Variants in ARHGEF11 observed in about 807,000 individuals in gnomAD.
ARHGEF11 encodes Rho guanine exchange factor (GEF) 11.
Under a neutral mutation model 193.7 loss-of-function variants are expected in ARHGEF11, and 55 were observed. The ratio of observed to expected loss-of-function variants is 0.28; its 90% CI spans 0.23 to 0.36. The LOEUF is 0.36. Among genes scored for constraint, ARHGEF11 ranks in the 10% least tolerant of loss-of-function variants. The pLI is 1.00. For synonymous variants in ARHGEF11, 693 were observed against 768.0 expected (o/e 0.90, Z 1.62); for missense variants, 1,723 against 2,005.6 (o/e 0.86, Z 2.69).
At chr1:156,958,198 T>C (rs1011371857) in intron 17 of ARHGEF11, among the ~76,000 whole-genome samples, 8 of 152,220 alleles carry the variant, frequency 5.3e-5, no homozygotes, top group African/African-American at 1.9e-4. Context: ...AAGTCTGTGA[T>C]ACTGGGGCTT....
In ARHGEF11 at chr1:156,969,269, TGCTGGGACTC is replaced by T; in HGVS notation, c.825+3_825+12del. The T allele has an allele frequency of 6.3e-7, 1 of 1,584,920 alleles. No individual in the cohort carries two copies. The highest frequency in any genetic ancestry group is 8.6e-7 in the Non-Finnish European group (1 of 1,164,396). On this transcript the variant is annotated splice_donor_5th_base_variant and intron_variant, in intron 10 of 40. Transcript: ENST00000368194. ...TGCACGTTCTGAATGGGCCTTGCCC[TGCTGGGACTC>T]ACCTCACTGAGGGAAGGAAAGCGTT...
rs1172615499 is a variant in ARHGEF11, at chr1:156,945,144, T to C, written c.2866A>G (p.Ile956Val). ...LCRARDQCRE[I>V]LKYVNEAVKQ... The stretch of plus-strand genomic sequence containing the variant: ...ACCGCTTCATTCACATACTTGAGAA[T>C]CTCCCGGCACTGGTCCCGGGCCCGG... Residue 956 changes from isoleucine to valine, a missense_variant, in exon 30 of 41, where the codon ATT (isoleucine) becomes GTT (valine). Physicochemically the swap from Ile to Val is conservative, Grantham distance 29. Coordinates refer to ENST00000368194, the MANE Select transcript of ARHGEF11 (RefSeq NM_198236.3). The C allele has an allele frequency of 3.1e-6, 5 of 1,614,092 alleles. No homozygotes were observed. The highest frequency in any genetic ancestry group is 4.2e-6 in the Non-Finnish European group (5 of 1,180,004).
rs904623928 is a variant in ARHGEF11, at chr1:156,992,105, T to C, written c.33-5932A>G. On this transcript the variant is annotated intron_variant, in intron 1 of 40. Transcript: ENST00000368194. ...AAAAGTATATTCAGAAGTGTACCTA[T>C]TCTTTCTCCCCATTCCCCAAGTAAT... Among the ~76,000 whole-genome samples the C allele has an allele frequency of 5.3e-5, 8 of 152,236 alleles. No individual in the cohort carries two copies. In the East Asian group the frequency reaches 1.3e-3, roughly 26 times the overall value.
chr1:156,941,782 G>C (rs1052587004), intron 34 of ARHGEF11, 82 bp downstream of exon 34: 6 of 1,514,594 alleles, frequency 4.0e-6, no homozygotes, highest in Non-Finnish European at 5.3e-6. Flanking sequence ...GTCTACCCAC[G>C]GGGGCGAAGG....
Position 156,959,011 on chromosome 1 carries a change from G to C in ARHGEF11, c.1379+35C>G. 3 of 1,611,772 alleles carry C rather than the reference G, an allele frequency of 1.9e-6. No individual in the cohort carries two copies. In the South Asian group the frequency reaches 3.3e-5, roughly 18 times the overall value. Reference sequence around the variant, plus strand: ...CCAGGGCCAAGAGGCGGAGGTGAACGAGGAGAGAGGTGGGAGGTCAGCTCC... The same window carrying C: ...CCAGGGCCAAGAGGCGGAGGTGAACCAGGAGAGAGGTGGGAGGTCAGCTCC... On this transcript the variant is annotated intron_variant, in intron 16 of 40. Transcript: ENST00000368194.
rs955776980 is a variant in ARHGEF11, at chr1:156,968,094, C to T, written c.856G>A (p.Asp286Asn). 1.9e-6 allele frequency: 3 copies of T among 1,613,312 alleles called. No homozygotes were observed. Among genetic ancestry groups the T allele is most frequent in the Non-Finnish European group, 2.5e-6 (3 of 1,179,396 alleles). ...GTTCGAGGACTGTCTAGCCCAGGGT[C>T]TGACAGTACCGAGTTCCGATTCATC... ...SLMNRNSVLSDPGLDSPRTSP... is the reference protein window; with the variant it reads ...SLMNRNSVLSNPGLDSPRTSP... Residue 286 changes from aspartate to asparagine, a missense_variant, in exon 11 of 41, where the codon GAC becomes AAC. By Grantham distance (23) the Asp-to-Asn change is conservative. Transcript: ENST00000368194.
At chr1:156,999,215 G>T (rs572083632) in intron 1 of ARHGEF11, among the ~76,000 whole-genome samples, 1 of 152,172 alleles carries the variant, frequency 6.6e-6, no homozygotes, top group Non-Finnish European at 1.5e-5. Context: ...TGACAACCTG[G>T]TGAGATAACA....
rs529052918 is a variant in ARHGEF11, at chr1:156,988,829, G to T, written c.33-2656C>A. Among the ~76,000 whole-genome samples, 4 of 152,238 alleles carry T rather than the reference G, an allele frequency of 2.6e-5. No homozygotes were observed. In the East Asian group the frequency reaches 7.7e-4, roughly 29 times the overall value. ...AATTTTTTTTTCTGAGAGCTTAAAG[G>T]AGAGAAAACTACCATTGAACTGAAG... On this transcript the variant is annotated intron_variant, in intron 1 of 40. Coordinates refer to ENST00000368194, the MANE Select transcript of ARHGEF11 (RefSeq NM_198236.3).
rs1302842740 is a variant in ARHGEF11, at chr1:156,935,318, G to C, written c.*682C>G. On this transcript the variant is annotated 3_prime_UTR_variant, in exon 41 of 41. Transcript: ENST00000368194. ...GCAGGCTCTGGAGCCAGGTGGGATG[G>C]GGAGCCAGAAGACCTTCCCACTCAC... 6.6e-6 allele frequency: 1 copy of C among 152,156 alleles called. No individual in the cohort carries two copies. Among genetic ancestry groups the C allele is most frequent in the Non-Finnish European group, 1.5e-5 (1 of 68,024 alleles). The allele number at this position is 152,156 out of a possible 1,614,324, so 9.4% of individuals were successfully genotyped here.
intron 4 of ARHGEF11, among the ~76,000 whole-genome samples, 193 bp downstream of exon 4, chr1:156,980,244 G>T (rs1431551580): frequency 1.3e-5 from 2 of 152,178 alleles, no homozygotes; most frequent in Non-Finnish European, 2.9e-5. Flanking sequence ...CTAAAATGTA[G>T]AACACAGCTA....
At chr1:157,029,444 G>C (rs1246860813) in intron 1 of ARHGEF11, among the ~76,000 whole-genome samples, 1 of 152,062 alleles carries the variant, frequency 6.6e-6, no homozygotes, top group Non-Finnish European at 1.5e-5. Flanking sequence ...GCTAATTTTT[G>C]TATTTTTAGT....
intron 1 of ARHGEF11, among the ~76,000 whole-genome samples, chr1:157,015,308 G>C (rs1057152211): frequency 3.3e-5 from 5 of 152,296 alleles, no homozygotes; most frequent in Admixed American, 6.5e-5. Flanking sequence ...TTTGGGTAAG[G>C]TGCTTAATGC....
In ARHGEF11 at chr1:156,947,341, C is replaced by A; in HGVS notation, c.2451G>T (p.Arg817=). The part of the protein sequence containing the change: ...ENLMPREELA[R]LFPNLPELIE... Reference sequence around the variant, plus strand: ...TGAGTTCAGGCAGGTTCGGGAAGAGCCGGGCCAGCTCCTCCCGGGGCATCA... The same window carrying A: ...TGAGTTCAGGCAGGTTCGGGAAGAGACGGGCCAGCTCCTCCCGGGGCATCA... The change falls in exon 26 of 41, where the codon CGG becomes CGT. Residue 817 remains arginine, a synonymous_variant. Transcript: ENST00000368194. 5.6e-6 allele frequency: 9 copies of A among 1,613,524 alleles called. No individual in the cohort carries two copies. The highest frequency in any genetic ancestry group is 7.6e-6 in the Non-Finnish European group (9 of 1,179,808).
Position 156,968,005 on chromosome 1 carries a change from G to T in ARHGEF11, c.945C>A (p.Val315=). 6.2e-7 allele frequency: 1 copy of T among 1,614,234 alleles called. No homozygotes were observed. The highest frequency in any genetic ancestry group is 2.2e-5 in the East Asian group (1 of 44,886). The change falls in exon 11 of 41, where the codon GTC becomes GTA. Residue 315 remains valine, a synonymous_variant. Transcript: ENST00000368194. ...HHRRQGSDAA[V]PSTGDQGVDQ... is the part of the protein sequence containing the mutation. ...CACTCACCTGGTCACCGGTTGAGGG[G>T]ACTGCTGCATCCGAGCCCTGCCGCC...
At chr1:157,042,596 C>A (rs1672897394) in intron 1 of ARHGEF11, among the ~76,000 whole-genome samples, 1 of 152,134 alleles carries the variant, frequency 6.6e-6, no homozygotes, top group South Asian at 2.1e-4. Flanking sequence ...TCACACAGAA[C>A]CACTGTGAGA....
At chr1:157,037,947 G>T (rs527548117) in intron 1 of ARHGEF11, among the ~76,000 whole-genome samples, 1 of 141,834 alleles carries the variant, frequency 7.1e-6, no homozygotes, top group Non-Finnish European at 1.5e-5. Flanking sequence ...GCAGAGAATC[G>T]CTTGAACCCA....
chr1:157,015,951 T>C (rs989555204), intron 1 of ARHGEF11, among the ~76,000 whole-genome samples: 1 of 152,166 alleles, frequency 6.6e-6, no homozygotes, highest in African/African-American at 2.4e-5. Context: ...TTTCACAATA[T>C]GGGGATTGGA....
chr1:156,957,467 G>A (rs1347673957), intron 18 of ARHGEF11, among the ~76,000 whole-genome samples: 1 of 152,216 alleles, frequency 6.6e-6, no homozygotes. Flanking sequence ...GGAAAGACGT[G>A]AGAAGAGAGA....
At chr1:157,041,129 T>C (rs1176634326) in intron 1 of ARHGEF11, among the ~76,000 whole-genome samples, 2 of 152,220 alleles carry the variant, frequency 1.3e-5, no homozygotes, top group Non-Finnish European at 1.5e-5. Context: ...CTAACCCTCC[T>C]GTCCATCTCA....
Sources: allele counts gnomAD v4.1 joint callset (sites outside exome capture counted in the v4.1 genomes callset), GRCh38; gene constraint gnomAD v4.1.1; transcripts MANE v1.5; gene names NCBI Gene and HGNC (gene_info 2026-07-23, HGNC 2026-07-21).